Variants in LY96 observed in about 807,000 individuals in gnomAD.
LY96 encodes lymphocyte antigen 96, also known as myeloid differentiation protein-2.
A neutral mutation model predicts 18.9 loss-of-function variants in LY96; 18 were observed. That is an observed-to-expected ratio of 0.95 (90% CI 0.66 to 1.41). The LOEUF (loss-of-function observed/expected upper bound fraction) is 1.41, where lower values mean the gene tolerates loss of function less well. Ranked by LOEUF, LY96 falls within the 40% of genes most tolerant of loss-of-function variation. The pLI is 0.00. For synonymous variants in LY96, 66 were observed against 62.6 expected, an observed-to-expected ratio of 1.06 and a Z score of -0.26; for missense variants, 175 against 182.4, an observed-to-expected ratio of 0.96 and a Z score of 0.23.
At chr8:74,026,145 C>CTATT (rs112264636) in intron 3 of LY96, among the ~76,000 whole-genome samples, 36,940 of 149,898 alleles carry the variant, frequency 0.25, 5,204 homozygotes, top group African/African-American at 0.41. Context: ...TTTGATTTAA[C>CTATT]TATATTAAAA....
chr8:74,079,662 A>T, the LY96 span: 3 of 152,140 alleles, frequency 2.0e-5, no homozygotes, highest in Middle Eastern at 3.2e-3. Context: ...CAAAAAAGAG[A>T]TAGTTTTTAT....
chr8:74,054,636 CT>C, the LY96 span, among the ~76,000 whole-genome samples: 2 of 113,926 alleles, frequency 1.8e-5, no homozygotes, highest in Non-Finnish European at 3.4e-5. Flanking sequence ...TTCTTTCTTT[CT>C]TTCTTTCTTT....
At chr8:74,036,019 G>A in the LY96 span, among the ~76,000 whole-genome samples, 1 of 152,192 alleles carries the variant, frequency 6.6e-6, no homozygotes, top group Non-Finnish European at 1.5e-5. Flanking sequence ...TGTCATGGGT[G>A]CATCTTTAAC....
chr8:74,081,034 CT>C, the LY96 span, among the ~76,000 whole-genome samples: 32 of 118,526 alleles, frequency 2.7e-4, no homozygotes, highest in African/African-American at 9.9e-4. Context: ...TTCTTTCTTT[CT>C]TTCTTTCTTT....
At chr8:74,026,312 G>A (rs1490591976) in intron 3 of LY96, among the ~76,000 whole-genome samples, 3 of 152,166 alleles carry the variant, frequency 2.0e-5, no homozygotes, top group African/African-American at 2.4e-5. Context: ...GGCCAGGCCC[G>A]TGGCTATGCA....
chr8:74,073,395 C>T, the LY96 span, among the ~76,000 whole-genome samples: 2 of 152,196 alleles, frequency 1.3e-5, no homozygotes, highest in African/African-American at 2.4e-5. Flanking sequence ...CAGATGATCT[C>T]ATTCAGTCCA....
At chr8:74,083,168 T>G in the LY96 span, among the ~76,000 whole-genome samples, 1 of 152,176 alleles carries the variant, frequency 6.6e-6, no homozygotes, top group Non-Finnish European at 1.5e-5. Context: ...TGCAAATATG[T>G]GTAAATATTC....
the LY96 span, among the ~76,000 whole-genome samples, chr8:74,069,804 G>T: frequency 6.6e-6 from 1 of 152,036 alleles, no homozygotes; most frequent in Non-Finnish European, 1.5e-5. Flanking sequence ...GTTTCACCAT[G>T]TTGGCCAGGC....
At chr8:74,081,046 CT>C in the LY96 span, among the ~76,000 whole-genome samples, 841 of 86,928 alleles carry the variant, frequency 9.7e-3, 7 homozygotes, top group Middle Eastern at 0.021. Context: ...TTCTTTCTTT[CT>C]TTTTCTTTCT....
intron 1 of LY96, among the ~76,000 whole-genome samples, chr8:73,998,655 C>G (rs116892026): frequency 0.018 from 2,782 of 152,118 alleles, 35 homozygotes; most frequent in South Asian, 0.036. Flanking sequence ...TACACTTTAT[C>G]CTGGGTGACA....
the LY96 span, among the ~76,000 whole-genome samples, chr8:74,093,093 G>A: frequency 6.6e-6 from 1 of 152,126 alleles, no homozygotes; most frequent in Admixed American, 6.6e-5. Flanking sequence ...TGTCATTCTG[G>A]ATTTTCAGTT....
chr8:74,078,110 TAAA>T, the LY96 span, among the ~76,000 whole-genome samples: 4 of 122,208 alleles, frequency 3.3e-5, no homozygotes, highest in African/African-American at 5.3e-5. Context: ...CCTGTCTCAA[TAAA>T]AAAAAAAAAA....
the LY96 span, among the ~76,000 whole-genome samples, chr8:74,060,398 C>T: frequency 6.6e-6 from 1 of 152,208 alleles, no homozygotes; most frequent in Non-Finnish European, 1.5e-5. Flanking sequence ...TTAAAATTCA[C>T]TACCTATCGG....
At chr8:74,007,798 C>T (rs1586652083) in intron 2 of LY96, among the ~76,000 whole-genome samples, 1 of 152,086 alleles carries the variant, frequency 6.6e-6, no homozygotes, top group Admixed American at 6.6e-5. Context: ...CTCACTCTGT[C>T]ACCCAGGCTG....
At chr8:73,994,437 T>C (rs1047843015) in intron 1 of LY96, among the ~76,000 whole-genome samples, 3 of 152,138 alleles carry the variant, frequency 2.0e-5, no homozygotes, top group African/African-American at 7.2e-5. Context: ...TGTGATGATT[T>C]CCATGAAAAA....
intron 1 of LY96, among the ~76,000 whole-genome samples, chr8:73,994,039 C>A (rs966465592): frequency 3.9e-5 from 6 of 151,912 alleles, no homozygotes; most frequent in Admixed American, 1.3e-4. Context: ...GGCTGGAGTG[C>A]AGTAGTACGA....
At chr8:74,093,378 A>C in the LY96 span, among the ~76,000 whole-genome samples, 3 of 152,250 alleles carry the variant, frequency 2.0e-5, no homozygotes, top group African/African-American at 7.2e-5. Flanking sequence ...AGTGCCTGGC[A>C]CATAGCAGAT....
chr8:74,027,452 A>G lies in LY96; in HGVS notation c.384+611A>G, dbSNP rs552841045. 2.6e-5 allele frequency among the ~76,000 whole-genome samples: 4 copies of G among 151,904 alleles called. No individual in the cohort carries two copies. In the East Asian group the frequency reaches 7.8e-4, roughly 30 times the overall value. ...CCCGAGTAGCTGGGATTACAGGCAC[A>G]TGCCACTATGCCCAGCTAATTTTTT... On this transcript the variant is annotated intron_variant, in intron 4 of 4. Transcript: ENST00000284818.
the LY96 span, among the ~76,000 whole-genome samples, chr8:74,065,631 G>A: frequency 8.5e-5 from 13 of 152,296 alleles, no homozygotes; most frequent in Admixed American, 7.8e-4. Context: ...ACCTGGCTCT[G>A]TAACTTCTCC....
Sources: gnomAD v4.1 joint callset for allele counts (sites outside exome capture counted in the v4.1 genomes callset) on GRCh38, gnomAD v4.1.1 for gene constraint, MANE v1.5 for transcripts, NCBI Gene and HGNC (gene_info 2026-07-23, HGNC 2026-07-21) for gene names.